Variants in COL19A1 observed in about 807,000 individuals in gnomAD.
COL19A1 encodes collagen alpha-1(XIX) chain.
Under a neutral mutation model 190.2 loss-of-function variants are expected in COL19A1, and 159 were observed. The ratio of observed to expected loss-of-function variants is 0.84; its 90% CI spans 0.73 to 0.95. COL19A1 has a LOEUF of 0.95. Ranked by LOEUF, COL19A1 falls within the 40% of genes least tolerant of loss-of-function variation. The pLI is 0.00. For synonymous variants in COL19A1, 509 were observed against 458.9 expected, an observed-to-expected ratio of 1.11 and a Z score of -1.39; for missense variants, 1,418 against 1,431.9, an observed-to-expected ratio of 0.99 and a Z score of 0.16.
chr6:69,977,541 G>A (rs1319681119), intron 11 of COL19A1, among the ~76,000 whole-genome samples: 1 of 151,282 alleles, frequency 6.6e-6, no homozygotes, highest in Non-Finnish European at 1.5e-5. Flanking sequence ...TGCACATTGT[G>A]CACATGTACC....
chr6:69,983,969 A>T (rs1371438153), intron 11 of COL19A1, among the ~76,000 whole-genome samples: 1 of 152,104 alleles, frequency 6.6e-6, no homozygotes, highest in Non-Finnish European at 1.5e-5. Flanking sequence ...TCATAAAATG[A>T]GTTGAATACT....
chr6:69,896,956 G>A (rs1478750275), intron 2 of COL19A1, among the ~76,000 whole-genome samples: 2 of 152,188 alleles, frequency 1.3e-5, no homozygotes, highest in African/African-American at 4.8e-5. Flanking sequence ...TACTCTTTTA[G>A]TGTTGCCTTT....
intron 4 of COL19A1, among the ~76,000 whole-genome samples, chr6:69,920,646 C>T (rs1771632927): frequency 6.6e-6 from 1 of 151,816 alleles, no homozygotes; most frequent in Non-Finnish European, 1.5e-5. Flanking sequence ...TTATATTGAA[C>T]ATTTTGTTAA....
At position 70,064,671 on chromosome 6, in the gene COL19A1, G is replaced by C. The variant is rs957418281; in HGVS notation, c.1171-3752G>C. ...AATTAGGAAAAGAGGAAGTCAAATT[G>C]TCCCTGTTTGCAGATGACATGATTG... On this transcript the variant is annotated intron_variant, in intron 14 of 50. Coordinates refer to ENST00000620364, the MANE Select transcript of COL19A1 (RefSeq NM_001858.6). 2.6e-5 allele frequency among the ~76,000 whole-genome samples: 4 copies of C among 152,256 alleles called. 1 individual carries two copies. In the South Asian group the frequency reaches 8.3e-4, roughly 32 times the overall value.
At chr6:70,073,314 T>A (rs1356834591) in intron 15 of COL19A1, among the ~76,000 whole-genome samples, 1 of 152,180 alleles carries the variant, frequency 6.6e-6, no homozygotes, top group Admixed American at 6.5e-5. Flanking sequence ...AAATCCCAGC[T>A]TTACTGCTTA....
At chr6:69,954,167 T>C (rs1371293068) in intron 9 of COL19A1, among the ~76,000 whole-genome samples, 2 of 151,988 alleles carry the variant, frequency 1.3e-5, no homozygotes, top group African/African-American at 4.8e-5. Context: ...AACACATGCA[T>C]TTTTTTCATG....
rs933658127 is a variant in COL19A1 at position 69,897,595 on chromosome 6, C to G, written c.92-1353C>G. Among the ~76,000 whole-genome samples the G allele has an allele frequency of 3.3e-5, 5 of 151,772 alleles. No homozygotes were observed. In the South Asian group the frequency reaches 1.0e-3, roughly 32 times the overall value. On this transcript the variant is annotated intron_variant, in intron 2 of 50. Transcript: ENST00000620364. ...TTGCATTCTAAGCATTTTGTTTATCCCTTCAGTTATTTAGGTCTTTAATTT... is the reference window on the plus strand; with the variant it reads ...TTGCATTCTAAGCATTTTGTTTATCGCTTCAGTTATTTAGGTCTTTAATTT...
Position 70,010,438 on chromosome 6 carries a change from A to C in COL19A1, c.1027-13189A>C, listed in dbSNP as rs369189795. ...AGAAGACGGTGATTTCTGCATTTCC[A>C]TCTGAGGTACCGGGTTCATCTCACT... is the stretch of plus-strand genomic sequence containing the variant. On this transcript the variant is annotated intron_variant, in intron 11 of 50. Coordinates refer to ENST00000620364, the MANE Select transcript of COL19A1 (RefSeq NM_001858.6). 6.8e-3 allele frequency among the ~76,000 whole-genome samples: 990 copies of C among 146,064 alleles called. 25 individuals carry two copies. The highest frequency in any genetic ancestry group is 0.024 in the African/African-American group (933 of 38,720).
chr6:70,074,720 A>G (rs1781775567), intron 15 of COL19A1, among the ~76,000 whole-genome samples: 1 of 148,606 alleles, frequency 6.7e-6, no homozygotes, highest in South Asian at 2.1e-4. Context: ...ATAATTATGA[A>G]TTTATAGGAA....
intron 11 of COL19A1, among the ~76,000 whole-genome samples, chr6:70,021,045 C>A (rs1257170832): frequency 6.6e-6 from 1 of 151,870 alleles, no homozygotes; most frequent in Non-Finnish European, 1.5e-5. Context: ...GTTGGATATC[C>A]CTGGTTTGAG....
At chr6:70,178,703 G>T (rs1765971607) in intron 42 of COL19A1, among the ~76,000 whole-genome samples, 1 of 152,174 alleles carries the variant, frequency 6.6e-6, no homozygotes, top group Admixed American at 6.5e-5. Context: ...GCTGGGGCCT[G>T]CCCACACAGA....
At chr6:69,970,530 AT>A (rs886593204) in intron 11 of COL19A1, among the ~76,000 whole-genome samples, 9 of 151,802 alleles carry the variant, frequency 5.9e-5, no homozygotes, top group Non-Finnish European at 1.0e-4. Context: ...CAAAGTTGAA[AT>A]TTTTTTTTAG....
chr6:70,010,602 C>T lies in COL19A1; in HGVS notation c.1027-13025C>T, dbSNP rs1405908983. Among the ~76,000 whole-genome samples the T allele has an allele frequency of 6.1e-4, 86 of 140,718 alleles. 12 individuals carry two copies. Among genetic ancestry groups the T allele is most frequent in the Admixed American group, 5.1e-3 (74 of 14,390 alleles). 92.3% of individuals were successfully genotyped at this position (140,718 alleles called of 152,430 possible). On this transcript the variant is annotated intron_variant, in intron 11 of 50. Transcript: ENST00000620364. ...CCGAGTCAAAGAAAGGGGTGACGGA[C>T]GCACCTGGAAAATAGGGTCACTCCC...
chr6:70,095,358 G>A (rs1294063564), intron 15 of COL19A1, among the ~76,000 whole-genome samples: 3 of 151,886 alleles, frequency 2.0e-5, no homozygotes, highest in African/African-American at 7.3e-5. Context: ...TTTTCTAAAG[G>A]ATGCACACTA....
chr6:69,999,728 A>G (rs549815156), intron 11 of COL19A1, among the ~76,000 whole-genome samples: 1 of 152,308 alleles, frequency 6.6e-6, no homozygotes, highest in South Asian at 2.1e-4. Flanking sequence ...TATCTAATGT[A>G]AGCTCTGTTA....
chr6:70,085,717 C>A (rs1194677336), intron 15 of COL19A1, among the ~76,000 whole-genome samples: 2 of 149,510 alleles, frequency 1.3e-5, no homozygotes, highest in Non-Finnish European at 3.0e-5. Flanking sequence ...TTTTTAAGGT[C>A]ACCATATATC....
At chr6:70,124,778 A>G (rs1256102565) in intron 17 of COL19A1, among the ~76,000 whole-genome samples, 1 of 152,200 alleles carries the variant, frequency 6.6e-6, no homozygotes, top group Non-Finnish European at 1.5e-5. Flanking sequence ...TATAGCTGTT[A>G]TCCCAAATGA....
rs142776822 is a variant in COL19A1, at chr6:69,995,178, GTTCCAT to G, written c.1027-28447_1027-28442del. Among the ~76,000 whole-genome samples the G allele has an allele frequency of 3.4e-3, 515 of 152,270 alleles. 2 individuals carry two copies. The highest frequency in any genetic ancestry group is 0.011 in the African/African-American group (440 of 41,558). ...TTGTGGCATGCCACCTTGCCAACATGTTCCATTGGGACCATTTCTATGGATGCATTA... is the reference window on the plus strand; with the variant it reads ...TTGTGGCATGCCACCTTGCCAACATGTGGGACCATTTCTATGGATGCATTA... On this transcript the variant is annotated intron_variant, in intron 11 of 50. Transcript: ENST00000620364.
chr6:70,128,428 G>A (rs917063021), intron 17 of COL19A1, among the ~76,000 whole-genome samples: 2 of 152,174 alleles, frequency 1.3e-5, no homozygotes, highest in African/African-American at 2.4e-5. Flanking sequence ...GAGATAGGAA[G>A]AAACCAGGAG....
Sources: gnomAD v4.1 joint callset for allele counts (sites outside exome capture counted in the v4.1 genomes callset) on GRCh38, gnomAD v4.1.1 for gene constraint, MANE v1.5 for transcripts, NCBI Gene and HGNC (gene_info 2026-07-23, HGNC 2026-07-21) for gene names.